Variants in SERPINI1 observed in about 807,000 individuals in gnomAD.
The protein encoded by SERPINI1 is neuroserpin.
Under a neutral mutation model 41.1 loss-of-function variants are expected in SERPINI1, and 19 were observed. That is an observed-to-expected ratio of 0.46 (90% CI 0.32 to 0.68). SERPINI1 has a LOEUF of 0.68. SERPINI1 is among the 30% of genes least tolerant of loss of function. The probability of loss-of-function intolerance (pLI) is 0.03; values close to 1 mark genes in which losing one functional copy is unlikely to be tolerated. For synonymous variants in SERPINI1, 138 were observed against 156.6 expected (o/e 0.88, Z 0.89); for missense variants, 460 against 479.2 (o/e 0.96, Z 0.37).
intron 5 of SERPINI1, among the ~76,000 whole-genome samples, chr3:167,799,289 G>A (rs896512169): frequency 2.6e-5 from 4 of 152,102 alleles, no homozygotes; most frequent in African/African-American, 7.2e-5. Flanking sequence ...GACAACATGC[G>A]GTGTTTGGTT....
rs1712424693 is a variant in SERPINI1, at chr3:167,823,822, G to A, written c.1067-651G>A. Among the ~76,000 whole-genome samples, 3 of 152,302 alleles carry A rather than the reference G, an allele frequency of 2.0e-5. No individual in the cohort carries two copies. The South Asian group carries it at 6.2e-4, about 32-fold the overall frequency. ...CATAGTAGCCTCAGGCATCAAGACA[G>A]CTTGAAATCTTACATGTAATCTGGA... On this transcript the variant is annotated intron_variant, in intron 7 of 8. Coordinates refer to ENST00000446050, the MANE Select transcript of SERPINI1 (RefSeq NM_001122752.2).
At chr3:167,816,160 C>T (rs1419121725) in intron 6 of SERPINI1, among the ~76,000 whole-genome samples, 1 of 152,120 alleles carries the variant, frequency 6.6e-6, no homozygotes, top group Non-Finnish European at 1.5e-5. Flanking sequence ...CCTCCCACCT[C>T]AGCCTCCTGA....
intron 6 of SERPINI1, among the ~76,000 whole-genome samples, chr3:167,809,242 A>G (rs1027571916): frequency 6.6e-6 from 1 of 152,200 alleles, no homozygotes; most frequent in Non-Finnish European, 1.5e-5. Flanking sequence ...GCATAATTTA[A>G]CATTGTCATT....
At chr3:167,814,526 G>T (rs550196105) in intron 6 of SERPINI1, among the ~76,000 whole-genome samples, 1 of 152,268 alleles carries the variant, frequency 6.6e-6, no homozygotes, top group East Asian at 1.9e-4. Context: ...GTTATTTTAA[G>T]CATGCCGTTC....
chr3:167,821,583 G>A (rs1213174511), intron 6 of SERPINI1, among the ~76,000 whole-genome samples: 1 of 152,092 alleles, frequency 6.6e-6, no homozygotes, highest in East Asian at 1.9e-4. Flanking sequence ...TCCACACCTG[G>A]CTCGCCCTTG....
chr3:167,748,752 CTGTGTGTGTGTGTGTGTG>C (rs34438429), intron 1 of SERPINI1, among the ~76,000 whole-genome samples: 45 of 143,638 alleles, frequency 3.1e-4, no homozygotes, highest in Middle Eastern at 3.5e-3. Context: ...GTGTGTTACT[CTGTGTGTGTGTGTGTGTG>C]TGTGTGTGTG....
chr3:167,757,327 G>A lies in SERPINI1; in HGVS notation c.-19+21504G>A, dbSNP rs566859206. Among the ~76,000 whole-genome samples, 297 of 152,184 alleles carry A rather than the reference G, an allele frequency of 2.0e-3. 1 individual carries two copies. Among genetic ancestry groups the A allele is most frequent in the Non-Finnish European group, 3.3e-3 (223 of 68,018 alleles). On this transcript the variant is annotated intron_variant, in intron 1 of 8. Coordinates refer to ENST00000446050, the MANE Select transcript of SERPINI1 (RefSeq NM_001122752.2). ...GGGATGTATTAAACACTGAAAATAC[G>A]AATTTGCATGATGAATTAATAAATG...
intron 1 of SERPINI1, among the ~76,000 whole-genome samples, chr3:167,776,966 T>C (rs534361430): frequency 6.6e-6 from 1 of 152,300 alleles, no homozygotes; most frequent in Admixed American, 6.5e-5. Context: ...TTAGTAAGAA[T>C]CCTGCTGAGT....
intron 1 of SERPINI1, among the ~76,000 whole-genome samples, chr3:167,745,367 T>TA (rs927761973): frequency 2.0e-5 from 3 of 152,030 alleles, no homozygotes; most frequent in African/African-American, 7.2e-5. Context: ...ACTTTCATGA[T>TA]AAAAACATTT....
intron 1 of SERPINI1, among the ~76,000 whole-genome samples, chr3:167,757,894 G>T (rs1559997326): frequency 6.6e-6 from 1 of 152,090 alleles, no homozygotes; most frequent in Non-Finnish European, 1.5e-5. Flanking sequence ...ACTCCAGCTG[G>T]GGCAACAAAG....
intron 1 of SERPINI1, among the ~76,000 whole-genome samples, chr3:167,739,337 T>G (rs1725591537): frequency 6.6e-6 from 1 of 152,184 alleles, no homozygotes; most frequent in African/African-American, 2.4e-5. Flanking sequence ...AATGCACACA[T>G]TGAGACAGTT....
intron 6 of SERPINI1, 37 bp downstream of exon 6, chr3:167,807,378 C>T: frequency 1.6e-6 from 2 of 1,274,188 alleles, no homozygotes; most frequent in Admixed American, 3.4e-5. Flanking sequence ...AATGTTATTC[C>T]ATAAGAGCTT....
intron 2 of SERPINI1, among the ~76,000 whole-genome samples, chr3:167,789,948 A>T (rs1269949349): frequency 6.6e-6 from 1 of 152,190 alleles, no homozygotes; most frequent in Non-Finnish European, 1.5e-5. Context: ...AGCTCATTAA[A>T]AAGTTAAAAA....
intron 1 of SERPINI1, among the ~76,000 whole-genome samples, chr3:167,743,897 A>C (rs1251501248): frequency 6.6e-6 from 1 of 152,086 alleles, no homozygotes; most frequent in Non-Finnish European, 1.5e-5. Context: ...GGTTAATTGC[A>C]GGGGATGGCA....
intron 6 of SERPINI1, among the ~76,000 whole-genome samples, chr3:167,807,592 A>G (rs1405025596): frequency 6.6e-6 from 1 of 152,188 alleles, no homozygotes; most frequent in East Asian, 1.9e-4. Context: ...CCTGTCTTAA[A>G]CATCTTTGGA....
intron 1 of SERPINI1, among the ~76,000 whole-genome samples, chr3:167,737,480 G>GT (rs933070593): frequency 2.2e-4 from 34 of 151,686 alleles, no homozygotes; most frequent in African/African-American, 8.2e-4. Context: ...GATTTTGGGG[G>GT]TAAAAAAAAA....
chr3:167,768,075 A>G (rs1442247510), intron 1 of SERPINI1, among the ~76,000 whole-genome samples: 1 of 152,202 alleles, frequency 6.6e-6, no homozygotes, highest in African/African-American at 2.4e-5. Flanking sequence ...ATCAAACAAC[A>G]TTGCATGATA....
Position 167,792,584 on chromosome 3 carries a change from A to G in SERPINI1, c.482-6A>G, listed in dbSNP as rs773900198. 2 of 1,611,242 alleles carry G rather than the reference A, an allele frequency of 1.2e-6. No individual in the cohort carries two copies. Among genetic ancestry groups the G allele is most frequent in the East Asian group, 2.2e-5 (1 of 44,818 alleles). On this transcript the variant is annotated splice_polypyrimidine_tract_variant and splice_region_variant and intron_variant, in intron 3 of 8. Transcript: ENST00000446050. Reference sequence around the variant, plus strand: ...AATTTTTATCTATTCATTTTTTCCTAAATAGATCTGGTGAAAGATTTGGTA... The same window carrying G: ...AATTTTTATCTATTCATTTTTTCCTGAATAGATCTGGTGAAAGATTTGGTA...
chr3:167,779,568 A>AAAAAAAC, intron 1 of SERPINI1, among the ~76,000 whole-genome samples: 1 of 152,182 alleles, frequency 6.6e-6, no homozygotes, highest in Non-Finnish European at 1.5e-5. Context: ...TTCAAAACCC[A>AAAAAAAC]TAGAGTCAGA....
Sources: allele counts gnomAD v4.1 joint callset (sites outside exome capture counted in the v4.1 genomes callset), GRCh38; gene constraint gnomAD v4.1.1; transcripts MANE v1.5; gene names NCBI Gene and HGNC (gene_info 2026-07-23, HGNC 2026-07-21).